The following COL6A6 variants were observed in gnomAD, a reference collection of about 807,000 sequenced individuals.
COL6A6 encodes the protein collagen type VI alpha 6 chain.
In COL6A6, 183 loss-of-function variants were observed where a neutral mutation model predicts 208.6. The observed-to-expected ratio is 0.88, with a 90% CI of 0.78 to 0.99. The LOEUF is 0.99. COL6A6 is among the 50% of genes least tolerant of loss of function. The probability of loss-of-function intolerance (pLI) is 0.00; values close to 1 mark genes in which losing one functional copy is unlikely to be tolerated. For missense variants in COL6A6, 2,816 were observed against 2,815.2 expected, an observed-to-expected ratio of 1.00 and a Z score of -0.01; for synonymous variants, 973 against 1,011.8, an observed-to-expected ratio of 0.96 and a Z score of 0.73.
At chr3:130,532,332 A>AC (rs965021910) in intron 1 of COL6A6, among the ~76,000 whole-genome samples, 5 of 151,760 alleles carry the variant, frequency 3.3e-5, no homozygotes, top group South Asian at 2.1e-4. Flanking sequence ...TAGTTTCTGT[A>AC]CCCCCCCATC....
intron 33 of COL6A6, among the ~76,000 whole-genome samples, chr3:130,650,571 T>C (rs2065611011): frequency 6.6e-6 from 1 of 150,810 alleles, no homozygotes; most frequent in South Asian, 2.1e-4. Context: ...GATCGTGCCA[T>C]TGCACTCCAG....
intron 11 of COL6A6, among the ~76,000 whole-genome samples, chr3:130,587,780 T>C (rs1228940200): frequency 6.6e-6 from 1 of 152,270 alleles, no homozygotes; most frequent in South Asian, 2.1e-4. Context: ...TTCAGTGTTG[T>C]AATTATGTAA....
Position 130,661,757 on chromosome 3 carries a change from T to A in COL6A6, c.5951T>A (p.Ile1984Lys). Reference protein sequence around the residue: ...RNMGSAEFEDIRAFLGALLDH... With the variant: ...RNMGSAEFEDKRAFLGALLDH... ...ATGGGAAGTGCTGAATTTGAAGACA[T>A]AAGAGCCTTCCTTGGAGCACTATTA... The change falls in exon 35 of 37, where the codon ATA (isoleucine) becomes AAA (lysine). Residue 1984 changes from isoleucine to lysine, a missense_variant. Transcript: ENST00000358511. 6.2e-7 allele frequency: 1 copy of A among 1,613,938 alleles called. No individual in the cohort carries two copies. The highest frequency in any genetic ancestry group is 8.5e-7 in the Non-Finnish European group (1 of 1,179,876).
intron 25 of COL6A6, 59 bp from the exon 26 acceptor site, chr3:130,627,260 G>A (rs1010049393): frequency 4.0e-6 from 6 of 1,513,500 alleles, no homozygotes; most frequent in Non-Finnish European, 5.5e-6. Context: ...TCCTCTTGAA[G>A]AATAAGCCTG....
intron 8 of COL6A6, among the ~76,000 whole-genome samples, chr3:130,578,925 C>G (rs1026652455): frequency 1.8e-4 from 28 of 152,186 alleles, no homozygotes; most frequent in African/African-American, 6.8e-4. Context: ...AGCTAGGGCT[C>G]TTCCGTGGAC....
intron 1 of COL6A6, among the ~76,000 whole-genome samples, 178 bp downstream of exon 1, chr3:130,517,575 C>A (rs1213475701): frequency 2.0e-5 from 3 of 152,244 alleles, no homozygotes; most frequent in African/African-American, 7.2e-5. Context: ...TCTCCTCCTC[C>A]AAACAAGAGT....
Position 130,581,779 on chromosome 3 carries a change from A to G in COL6A6, c.3766A>G (p.Ile1256Val). 1 of 1,613,890 alleles carries G rather than the reference A, an allele frequency of 6.2e-7. No homozygotes were observed. Among genetic ancestry groups the G allele is most frequent in the Non-Finnish European group, 8.5e-7 (1 of 1,179,784 alleles). Reference sequence around the variant, plus strand: ...GGAAAAATATTCTCCCAAGTTTGAGATCTACAGTGAAAACATACTGAATAG... The same window carrying G: ...GGAAAAATATTCTCCCAAGTTTGAGGTCTACAGTGAAAACATACTGAATAG... ...AMEKYSPKFE[I>V]YSENILNSLK... is the part of the protein sequence containing the mutation. The change falls in exon 9 of 37, where the codon ATC becomes GTC. Residue 1256 changes from isoleucine to valine, a missense_variant. By Grantham distance (29) the Ile-to-Val change is conservative. Coordinates refer to ENST00000358511, the MANE Select transcript of COL6A6 (RefSeq NM_001102608.3).
chr3:130,628,080 T>C (rs1419621490), intron 26 of COL6A6, among the ~76,000 whole-genome samples: 2 of 152,124 alleles, frequency 1.3e-5, no homozygotes, highest in Admixed American at 6.5e-5. Context: ...GTCTAAAATA[T>C]TGAAGGATGA....
chr3:130,604,945 T>A (rs2064139363), intron 20 of COL6A6, among the ~76,000 whole-genome samples: 2 of 152,240 alleles, frequency 1.3e-5, no homozygotes, highest in Non-Finnish European at 2.9e-5. Flanking sequence ...GGTCTGACCA[T>A]GTACTTTTCC....
intron 24 of COL6A6, among the ~76,000 whole-genome samples, chr3:130,624,544 A>G (rs1288837366): frequency 1.3e-5 from 2 of 152,178 alleles, no homozygotes; most frequent in African/African-American, 2.4e-5. Context: ...AACAAAGACA[A>G]TGCTGCCTTC....
chr3:130,638,711 A>C (rs1576375486), intron 28 of COL6A6, among the ~76,000 whole-genome samples: 1 of 67,250 alleles, frequency 1.5e-5, no homozygotes, highest in South Asian at 4.4e-4. Flanking sequence ...TGGATATTCC[A>C]ACAGTTCTGG....
At chr3:130,571,691 T>TA (rs1307101686) in intron 7 of COL6A6, among the ~76,000 whole-genome samples, 1 of 152,004 alleles carries the variant, frequency 6.6e-6, no homozygotes, top group African/African-American at 2.4e-5. Context: ...GCTTTTTTTT[T>TA]AAAGACAGGG....
chr3:130,568,599 G>A lies in COL6A6; in HGVS notation c.2396G>A (p.Arg799His), dbSNP rs373377669. 6.8e-5 allele frequency: 108 copies of A among 1,594,990 alleles called. No individual in the cohort carries two copies. In the African/African-American group the frequency reaches 8.1e-4, roughly 12 times the overall value. ...CTTGTTTTTGGAATATGCAGCCCCCGTGAAGGTAGGCATGGGCATACTCAC... is the reference window on the plus strand; with the variant it reads ...CTTGTTTTTGGAATATGCAGCCCCCATGAAGGTAGGCATGGGCATACTCAC... ...DDLVFGICSPREECKRIEVLD... is the reference protein window; with the variant it reads ...DDLVFGICSPHEECKRIEVLD... The change falls in exon 6 of 37, where the codon CGT becomes CAT. Residue 799 changes from arginine (R) to histidine (H), a missense_variant. Arg to His is a conservative substitution (Grantham distance 29). Transcript: ENST00000358511.
chr3:130,529,540 C>G (rs548689529), intron 1 of COL6A6, among the ~76,000 whole-genome samples: 90 of 152,282 alleles, frequency 5.9e-4, no homozygotes, highest in African/African-American at 2.1e-3. Context: ...GCTCTTCTGT[C>G]CCCTCTGGGC....
rs757148030 is a variant in COL6A6, at chr3:130,581,813, A to C, written c.3800A>C (p.Asp1267Ala). Reference protein sequence around the residue: ...YSENILNSLKDITVKGPSLLN... With the variant: ...YSENILNSLKAITVKGPSLLN... Reference sequence around the variant, plus strand: ...GAAAACATACTGAATAGCTTGAAGGATATAACAGTTAAAGGACCATCTCTT... The same window carrying C: ...GAAAACATACTGAATAGCTTGAAGGCTATAACAGTTAAAGGACCATCTCTT... Residue 1267 changes from aspartate (D) to alanine (A), a missense_variant, in exon 9 of 37, where the codon GAT becomes GCT. Transcript: ENST00000358511. The C allele has an allele frequency of 1.2e-6, 2 of 1,612,902 alleles. No homozygotes were observed. The highest frequency in any genetic ancestry group is 1.7e-6 in the Non-Finnish European group (2 of 1,178,814).
chr3:130,676,074 T>C lies in COL6A6; in HGVS notation c.*677T>C, dbSNP rs1315884658. The stretch of plus-strand genomic sequence containing the variant: ...ATTAGGAAGCTTACTGCCATTTTGA[T>C]GGAGCTTGAAGCCCCCATTTTGATG... On this transcript the variant is annotated 3_prime_UTR_variant, in exon 37 of 37. Transcript: ENST00000358511. 6.6e-6 allele frequency: 1 copy of C among 152,260 alleles called. No homozygotes were observed. Among genetic ancestry groups the C allele is most frequent in the Admixed American group, 6.5e-5 (1 of 15,274 alleles). 9.4% of individuals were successfully genotyped at this position (152,260 alleles called of 1,614,324 possible). A position where few individuals can be genotyped will look rare whatever the true frequency, so the allele number is the denominator to read the frequency against.
At chr3:130,621,173 T>C (rs1364487437) in intron 23 of COL6A6, among the ~76,000 whole-genome samples, 1 of 152,230 alleles carries the variant, frequency 6.6e-6, no homozygotes, top group African/African-American at 2.4e-5. Context: ...CAATAAGATC[T>C]TAAGGCTTTC....
rs1041941828 is a variant in COL6A6 at position 130,675,497 on chromosome 3, T to TATCA, written c.*101_*104dup. 1.2e-6 allele frequency: 1 copy of TATCA among 862,928 alleles called. No homozygotes were observed. Among genetic ancestry groups the TATCA allele is most frequent in the Non-Finnish European group, 1.7e-6 (1 of 573,700 alleles). 53.5% of individuals were successfully genotyped at this position (862,928 alleles called of 1,614,324 possible). On this transcript the variant is annotated 3_prime_UTR_variant, in exon 37 of 37. Transcript: ENST00000358511. ...AGAACTCAAGCAACAGTTTGTAGGT[T>TATCA]ATCAGGTGACTTGACCCCCTGCATT...
chr3:130,607,584 AG>A (rs2064222607), intron 21 of COL6A6, among the ~76,000 whole-genome samples: 2 of 152,250 alleles, frequency 1.3e-5, no homozygotes, highest in African/African-American at 4.8e-5. Context: ...AAAGATAAAA[AG>A]CATCTTAAAA....
Sources: allele counts gnomAD v4.1 joint callset (sites outside exome capture counted in the v4.1 genomes callset), GRCh38; gene constraint gnomAD v4.1.1; transcripts MANE v1.5; gene names NCBI Gene and HGNC (gene_info 2026-07-23, HGNC 2026-07-21).